Variants in CSMD1 observed in about 807,000 individuals in gnomAD.
CSMD1 encodes CUB and sushi domain-containing protein 1.
Under a neutral mutation model 417.5 loss-of-function variants are expected in CSMD1, and 213 were observed. That is an observed-to-expected ratio of 0.51 (90% CI 0.46 to 0.57). CSMD1 has a LOEUF of 0.57. Among genes scored for constraint, CSMD1 ranks in the 20% least tolerant of loss-of-function variants. The pLI is 0.00. For missense variants in CSMD1, 6,923 were observed against 4,529.7 expected, an observed-to-expected ratio of 1.53 and a Z score of -15.17; for synonymous variants, 2,862 against 1,736.8, an observed-to-expected ratio of 1.65 and a Z score of -16.11.
chr8:4,931,540 T>C (rs1293612172), intron 1 of CSMD1, among the ~76,000 whole-genome samples: 1 of 151,728 alleles, frequency 6.6e-6, no homozygotes, highest in Non-Finnish European at 1.5e-5. Flanking sequence ...GGTGACTGCC[T>C]TGGAGGATCA....
intron 2 of CSMD1, among the ~76,000 whole-genome samples, chr8:4,626,567 G>A (rs980281978): frequency 2.0e-5 from 3 of 152,082 alleles, no homozygotes; most frequent in African/African-American, 7.2e-5. Flanking sequence ...ACAAGAGCTA[G>A]ACTCAGGGCA....
chr8:3,087,107 T>C lies in CSMD1; in HGVS notation c.7464A>G (p.Pro2488=), dbSNP rs373936423. ...AAACGCATTTCTTACCCTGGCAGAG[T>C]GGCGTGAGGGAGTCCCACTGGTACA... ...LGMYQWDSLT[P]LCQAVSCGIP... is the part of the protein sequence containing the mutation. Residue 2488 remains proline, a synonymous_variant, in exon 49 of 70, where the codon CCA becomes CCG. Coordinates refer to ENST00000635120, the MANE Select transcript of CSMD1 (RefSeq NM_033225.6). The C allele has an allele frequency of 6.0e-4, 973 of 1,612,858 alleles. 1 individual carries two copies. Among genetic ancestry groups the C allele is most frequent in the Middle Eastern group, 1.8e-3 (10 of 5,492 alleles).
At chr8:4,121,363 C>T (rs1802478089) in intron 3 of CSMD1, among the ~76,000 whole-genome samples, 1 of 152,150 alleles carries the variant, frequency 6.6e-6, no homozygotes, top group Admixed American at 6.5e-5. Flanking sequence ...GATCCACCCA[C>T]CTTGGCCTCC....
chr8:4,647,933 G>A (rs968318857), intron 1 of CSMD1, among the ~76,000 whole-genome samples: 12 of 152,204 alleles, frequency 7.9e-5, no homozygotes, highest in Non-Finnish European at 1.8e-4. Flanking sequence ...TATATACCCA[G>A]TAATGGGATT....
intron 3 of CSMD1, among the ~76,000 whole-genome samples, chr8:4,078,287 G>C (rs1273563107): frequency 6.7e-6 from 1 of 150,170 alleles, no homozygotes; most frequent in African/African-American, 2.5e-5. Context: ...ACCTAACTGT[G>C]CCATAATGAT....
At chr8:3,490,387 G>C (rs560431748) in intron 11 of CSMD1, among the ~76,000 whole-genome samples, 24 of 152,218 alleles carry the variant, frequency 1.6e-4, no homozygotes, top group African/African-American at 5.1e-4. Context: ...TATGATTTTA[G>C]ATCTTTAATA....
rs138091484 is a variant in CSMD1, at chr8:4,398,597, G to A, written c.415+21356C>T. 3.0e-3 allele frequency among the ~76,000 whole-genome samples: 461 copies of A among 151,806 alleles called. 16 individuals are homozygous for A. The East Asian group carries it at 0.075, about 25-fold the overall frequency. ...TTTTTAGTAGAGACGGGGTTTCACC[G>A]TGTTAGCCAGGATTGTCTCGATCTC... On this transcript the variant is annotated intron_variant, in intron 3 of 69. Transcript: ENST00000635120.
intron 1 of CSMD1, among the ~76,000 whole-genome samples, chr8:4,818,349 A>G (rs1363904477): frequency 6.6e-6 from 1 of 152,210 alleles, no homozygotes; most frequent in Non-Finnish European, 1.5e-5. Context: ...ATTGCCTGCC[A>G]CAGTTTAATG....
chr8:2,943,155 T>C (rs1371706740), intron 68 of CSMD1, among the ~76,000 whole-genome samples: 1 of 152,182 alleles, frequency 6.6e-6, no homozygotes, highest in Non-Finnish European at 1.5e-5. Context: ...TATAGTTCAA[T>C]GTCACAATGC....
At chr8:4,614,688 G>A (rs543090309) in intron 2 of CSMD1, among the ~76,000 whole-genome samples, 1 of 151,928 alleles carries the variant, frequency 6.6e-6, no homozygotes, top group East Asian at 1.9e-4. Context: ...CTGGATGCAC[G>A]AATGCACACC....
intron 3 of CSMD1, among the ~76,000 whole-genome samples, chr8:4,177,213 A>C (rs1055329068): frequency 2.0e-5 from 3 of 152,208 alleles, no homozygotes; most frequent in African/African-American, 7.2e-5. Context: ...AAAAGAAGAG[A>C]AATTATAACA....
chr8:4,788,997 C>T (rs1305153802), intron 1 of CSMD1, among the ~76,000 whole-genome samples: 1 of 152,110 alleles, frequency 6.6e-6, no homozygotes, highest in Non-Finnish European at 1.5e-5. Context: ...ATGGTTAGGA[C>T]TCTCAGCCTT....
chr8:3,161,481 G>A (rs911078955), intron 38 of CSMD1, among the ~76,000 whole-genome samples: 3 of 151,952 alleles, frequency 2.0e-5, no homozygotes, highest in South Asian at 2.1e-4. Flanking sequence ...GCCGGGTGTG[G>A]TGGCAGGTGC....
At chr8:2,971,503 G>A (rs1804454828) in intron 57 of CSMD1, among the ~76,000 whole-genome samples, 3 of 152,190 alleles carry the variant, frequency 2.0e-5, no homozygotes, top group South Asian at 2.1e-4. Flanking sequence ...GCATTTCACT[G>A]GCAATACCAT....
At position 3,026,644 on chromosome 8, in the gene CSMD1, G is replaced by A. The variant is rs145500107; in HGVS notation, c.7855+2675C>T. Reference sequence around the variant, plus strand: ...CCGGGCCTCCAGCCCTGTCAACACCGTGAACTCTGCCCTGTGAGACCGTGA... The same window carrying A: ...CCGGGCCTCCAGCCCTGTCAACACCATGAACTCTGCCCTGTGAGACCGTGA... On this transcript the variant is annotated intron_variant, in intron 51 of 69. Coordinates refer to ENST00000635120, the MANE Select transcript of CSMD1 (RefSeq NM_033225.6). Among the ~76,000 whole-genome samples, 572 of 152,260 alleles carry A rather than the reference G, an allele frequency of 3.8e-3. 2 individuals carry two copies. The highest frequency in any genetic ancestry group is 6.3e-3 in the Non-Finnish European group (429 of 68,014).
intron 69 of CSMD1, among the ~76,000 whole-genome samples, chr8:2,941,401 ATATT>A (rs1801864976): frequency 6.6e-6 from 1 of 152,176 alleles, no homozygotes; most frequent in South Asian, 2.1e-4. Flanking sequence ...TTATGTACTG[ATATT>A]TATTTAACCT....
chr8:4,192,722 T>C (rs137991234), intron 3 of CSMD1, among the ~76,000 whole-genome samples: 15 of 152,356 alleles, frequency 9.8e-5, no homozygotes, highest in African/African-American at 3.4e-4. Flanking sequence ...GTATGAGGAA[T>C]TGTCTATGTA....
intron 3 of CSMD1, among the ~76,000 whole-genome samples, chr8:4,181,016 A>G (rs547149017): frequency 1.1e-4 from 17 of 152,324 alleles, no homozygotes; most frequent in African/African-American, 3.8e-4. Flanking sequence ...TAAAAGCAAA[A>G]AAGTCCAGCT....
intron 10 of CSMD1, 62 bp from the exon 11 acceptor site, chr8:3,493,788 G>T: frequency 8.9e-6 from 12 of 1,347,452 alleles, no homozygotes; most frequent in African/African-American, 1.4e-5. Flanking sequence ...CTTTTAATAG[G>T]TATTGCAAAT....
Sources: allele counts gnomAD v4.1 joint callset (sites outside exome capture counted in the v4.1 genomes callset), GRCh38; gene constraint gnomAD v4.1.1; transcripts MANE v1.5; gene names NCBI Gene and HGNC (gene_info 2026-07-23, HGNC 2026-07-21).